Variants in BANK1 observed in about 807,000 individuals in gnomAD.
BANK1 encodes the protein B cell scaffold protein with ankyrin repeats 1.
BANK1 carries 95 observed loss-of-function variants against 94.5 expected under a neutral mutation model. The observed-to-expected ratio is 1.00, with a 90% CI of 0.85 to 1.19. The LOEUF (loss-of-function observed/expected upper bound fraction) is 1.19. Among genes scored for constraint, BANK1 ranks in the 50% most tolerant of loss-of-function variants. The pLI is 0.00. For missense variants in BANK1, 987 were observed against 932.2 expected (o/e 1.06, Z -0.77); for synonymous variants, 334 against 308.4 (o/e 1.08, Z -0.87).
At chr4:101,853,650 G>T (rs61392765) in intron 2 of BANK1, among the ~76,000 whole-genome samples, 1 of 152,102 alleles carries the variant, frequency 6.6e-6, no homozygotes, top group East Asian at 1.9e-4. Flanking sequence ...CAAGAAGCAG[G>T]CGTAATTTTA....
At chr4:101,831,168 T>C (rs184862308) in intron 2 of BANK1, among the ~76,000 whole-genome samples, 2 of 152,142 alleles carry the variant, frequency 1.3e-5, no homozygotes, top group African/African-American at 4.8e-5. Context: ...AGATAAACCT[T>C]CCTTTATCTT....
At chr4:101,875,576 A>G (rs1045671941) in intron 5 of BANK1, among the ~76,000 whole-genome samples, 2 of 152,122 alleles carry the variant, frequency 1.3e-5, no homozygotes, top group African/African-American at 4.8e-5. Flanking sequence ...AGCATGTAGG[A>G]GAAACCACCC....
intron 7 of BANK1, among the ~76,000 whole-genome samples, chr4:102,007,092 A>T (rs1291507126): frequency 3.6e-5 from 3 of 82,316 alleles, no homozygotes; most frequent in African/African-American, 1.3e-4. Flanking sequence ...ATATATATAT[A>T]ATATATTTAT....
intron 6 of BANK1, among the ~76,000 whole-genome samples, chr4:101,910,074 G>A (rs546154084): frequency 6.6e-6 from 1 of 152,062 alleles, no homozygotes; most frequent in African/African-American, 2.4e-5. Context: ...CCAAGCCCCT[G>A]TTCTTTCTTT....
At chr4:102,032,669 G>A (rs1366927415) in intron 10 of BANK1, among the ~76,000 whole-genome samples, 1 of 151,984 alleles carries the variant, frequency 6.6e-6, no homozygotes, top group Non-Finnish European at 1.5e-5. Flanking sequence ...GATCACCTGA[G>A]GTCAGGAATT....
At chr4:101,842,711 C>T (rs1289970303) in intron 2 of BANK1, among the ~76,000 whole-genome samples, 2 of 152,156 alleles carry the variant, frequency 1.3e-5, no homozygotes, top group Non-Finnish European at 2.9e-5. Context: ...AGGATGAAAT[C>T]TGAGGTGATA....
rs1727917832 is a variant in BANK1, at chr4:101,862,557, A to C, written c.656A>C (p.Asp219Ala). ...NPGEIFIILRDEVIGDTVEVE... is the reference protein window; with the variant it reads ...NPGEIFIILRAEVIGDTVEVE... Reference sequence around the variant, plus strand: ...GGTGAAATATTCATAATTTTGAGAGATGAAGTAATTGGTGATACTGTAGAG... The same window carrying C: ...GGTGAAATATTCATAATTTTGAGAGCTGAAGTAATTGGTGATACTGTAGAG... Residue 219 changes from aspartate (D) to alanine (A), a missense_variant, in exon 4 of 17, where the codon GAT becomes GCT. By Grantham distance (126) the Asp-to-Ala change is moderately radical. Coordinates refer to ENST00000322953, the MANE Select transcript of BANK1 (RefSeq NM_017935.5). 1 of 1,608,374 alleles carries C rather than the reference A, an allele frequency of 6.2e-7. No homozygotes were observed. Among genetic ancestry groups the C allele is most frequent in the East Asian group, 2.2e-5 (1 of 44,636 alleles).
intron 7 of BANK1, among the ~76,000 whole-genome samples, chr4:101,993,754 C>T (rs1321804752): frequency 6.6e-6 from 1 of 152,132 alleles, no homozygotes; most frequent in Non-Finnish European, 1.5e-5. Flanking sequence ...TTTATTTCTG[C>T]CAAATTAAAA....
intron 6 of BANK1, 109 bp downstream of exon 6, chr4:101,895,519 A>G (rs1356095658): frequency 7.8e-6 from 5 of 640,518 alleles, no homozygotes; most frequent in Non-Finnish European, 1.4e-5. Flanking sequence ...TGCTGATGAG[A>G]TGATTTAGAC....
At chr4:102,043,974 A>G (rs1379477882) in intron 11 of BANK1, 67 bp downstream of exon 11, 3 of 912,526 alleles carry the variant, frequency 3.3e-6, no homozygotes, top group Non-Finnish European at 5.2e-6. Context: ...TTATGAATAC[A>G]GAGTAAAGCC....
chr4:101,817,062 CT>C (rs1208643808), intron 1 of BANK1, among the ~76,000 whole-genome samples: 4 of 152,148 alleles, frequency 2.6e-5, no homozygotes, highest in African/African-American at 9.6e-5. Context: ...TAGTAGAGCC[CT>C]TTTTTGCTCC....
At chr4:101,860,079 A>G (rs1727811203) in intron 3 of BANK1, among the ~76,000 whole-genome samples, 2 of 152,216 alleles carry the variant, frequency 1.3e-5, no homozygotes, top group African/African-American at 4.8e-5. Flanking sequence ...TGAGTTGGAC[A>G]TTGTTGGAGA....
intron 6 of BANK1, among the ~76,000 whole-genome samples, chr4:101,913,076 C>T (rs941086334): frequency 6.6e-6 from 1 of 152,162 alleles, no homozygotes; most frequent in Non-Finnish European, 1.5e-5. Flanking sequence ...GAGTGCCCAA[C>T]CATCTGATCC....
At chr4:101,817,047 CTG>C (rs1725944179) in intron 1 of BANK1, among the ~76,000 whole-genome samples, 1 of 152,132 alleles carries the variant, frequency 6.6e-6, no homozygotes, top group African/African-American at 2.4e-5. Context: ...TGCAGCCTGA[CTG>C]TGTAGTAGAG....
At chr4:101,970,966 C>T (rs890882451) in intron 7 of BANK1, among the ~76,000 whole-genome samples, 3 of 151,482 alleles carry the variant, frequency 2.0e-5, no homozygotes, top group Non-Finnish European at 2.9e-5. Context: ...TGTGTCATAG[C>T]GTGCAGGCGT....
chr4:102,023,538 C>T (rs561222283), intron 8 of BANK1, among the ~76,000 whole-genome samples: 2 of 152,228 alleles, frequency 1.3e-5, no homozygotes, highest in East Asian at 3.9e-4. Context: ...CTGTGTGTGA[C>T]TGGGCTCAAG....
chr4:101,958,685 T>C (rs559618943), intron 7 of BANK1, among the ~76,000 whole-genome samples: 84 of 152,330 alleles, frequency 5.5e-4, no homozygotes, highest in African/African-American at 1.9e-3. Flanking sequence ...GCTAAGCATG[T>C]GGACATAAGG....
intron 5 of BANK1, among the ~76,000 whole-genome samples, chr4:101,889,604 CAAAAAAAAAAAAA>C (rs59341810): frequency 1.8e-4 from 10 of 54,926 alleles, no homozygotes; most frequent in African/African-American, 7.0e-4. Context: ...GACTCCGTCT[CAAAAAAAAAAAAA>C]AAAAAAAAAA....
At chr4:101,997,281 G>A (rs189990701) in intron 7 of BANK1, among the ~76,000 whole-genome samples, 5 of 152,180 alleles carry the variant, frequency 3.3e-5, no homozygotes, top group East Asian at 3.9e-4. Flanking sequence ...TGACGAAGCC[G>A]ACTTGTTCGT....
Sources: gnomAD v4.1 joint callset for allele counts (sites outside exome capture counted in the v4.1 genomes callset) on GRCh38, gnomAD v4.1.1 for gene constraint, MANE v1.5 for transcripts, NCBI Gene and HGNC (gene_info 2026-07-23, HGNC 2026-07-21) for gene names.